The following FAM20A variants were observed in gnomAD, a reference collection of about 807,000 sequenced individuals.
FAM20A encodes FAM20A golgi associated secretory pathway pseudokinase, also known as pseudokinase FAM20A.
Under a neutral mutation model 52.0 loss-of-function variants are expected in FAM20A, and 42 were observed. That is an observed-to-expected ratio of 0.81 (90% CI 0.63 to 1.04). FAM20A has a LOEUF of 1.04. Ranked by LOEUF, FAM20A falls within the 50% of genes least tolerant of loss-of-function variation. The probability of loss-of-function intolerance (pLI) is 0.00; values close to 1 mark genes in which losing one functional copy is unlikely to be tolerated. For missense variants in FAM20A, 742 were observed against 712.7 expected (o/e 1.04, Z -0.47); for synonymous variants, 304 against 298.9 (o/e 1.02, Z -0.18).
chr17:68,548,098 C>A (rs2086651572), intron 4 of FAM20A, among the ~76,000 whole-genome samples: 1 of 152,114 alleles, frequency 6.6e-6, no homozygotes, highest in Admixed American at 6.5e-5. Flanking sequence ...TTGGAGCAGT[C>A]AGAACACACA....
intron 1 of FAM20A, among the ~76,000 whole-genome samples, chr17:68,569,231 T>C (rs1233290206): frequency 6.6e-6 from 1 of 152,106 alleles, no homozygotes; most frequent in Non-Finnish European, 1.5e-5. Context: ...AATTTCTCTC[T>C]CCCTTCCCAA....
At chr17:68,558,348 T>C (rs1279681666) in intron 1 of FAM20A, 1 of 445,072 alleles carries the variant, frequency 2.2e-6, no homozygotes, top group African/African-American at 2.0e-5. Flanking sequence ...ATGGTTTGGA[T>C]GTTTGTCCCC....
chr17:68,550,369 C>CTTTTTTTT lies in FAM20A; in HGVS notation c.719+1496_719+1503dup, dbSNP rs747654899. On this transcript the variant is annotated intron_variant, in intron 4 of 10. Coordinates refer to ENST00000592554, the MANE Select transcript of FAM20A (RefSeq NM_017565.4). ...CTTTCACATAGGAAAAATGGGGGAA[C>CTTTTTTTT]TTTTTTTTTTTTTTTTTTTTTTTTT... Among the ~76,000 whole-genome samples, 4 of 79,390 alleles carry CTTTTTTTT rather than the reference C, an allele frequency of 5.0e-5. 1 individual carries two copies. The highest frequency in any genetic ancestry group is 3.7e-4 in the Admixed American group (2 of 5,358). 52.1% of individuals were successfully genotyped at this position (79,390 alleles called of 152,430 possible).
At chr17:68,577,020 A>C (rs2087790169) in intron 1 of FAM20A, among the ~76,000 whole-genome samples, 1 of 152,198 alleles carries the variant, frequency 6.6e-6, no homozygotes, top group Non-Finnish European at 1.5e-5. Context: ...CCAGTCAGGG[A>C]ACTAGCAGAT....
chr17:68,581,318 C>G (rs1171151335), intron 1 of FAM20A, among the ~76,000 whole-genome samples: 1 of 151,248 alleles, frequency 6.6e-6, no homozygotes, highest in African/African-American at 2.4e-5. Flanking sequence ...AGTTTCGGCT[C>G]TGGAGTTGAA....
chr17:68,563,742 T>C (rs561003594), intron 1 of FAM20A, among the ~76,000 whole-genome samples: 2 of 152,312 alleles, frequency 1.3e-5, no homozygotes, highest in African/African-American at 4.8e-5. Flanking sequence ...TAAATCTCCC[T>C]AAATCTTTCT....
intron 1 of FAM20A, among the ~76,000 whole-genome samples, chr17:68,573,459 C>T (rs780744795): frequency 1.2e-3 from 53 of 44,450 alleles, no homozygotes; most frequent in South Asian, 2.7e-3. Context: ...TTTCTTTCTT[C>T]TTTCTTTCTT....
At chr17:68,547,010 C>CT (rs559157360) in intron 4 of FAM20A, among the ~76,000 whole-genome samples, 2,319 of 146,420 alleles carry the variant, frequency 0.016, 61 homozygotes, top group African/African-American at 0.054. Flanking sequence ...TGAAAGGAAT[C>CT]TTTTTTTTTT....
At chr17:68,575,229 T>A (rs2087693860) in intron 1 of FAM20A, 1 of 151,024 alleles carries the variant, frequency 6.6e-6, no homozygotes, top group Admixed American at 6.7e-5. Flanking sequence ...CAGTTTGTAA[T>A]AATGTGTTCT....
intron 1 of FAM20A, among the ~76,000 whole-genome samples, chr17:68,586,537 A>G (rs2088168952): frequency 1.3e-5 from 2 of 152,218 alleles, no homozygotes; most frequent in Admixed American, 1.3e-4. Context: ...AGACCCACAT[A>G]GAGGAGGAGA....
At chr17:68,549,901 G>A (rs7213206) in intron 4 of FAM20A, among the ~76,000 whole-genome samples, 24,633 of 152,112 alleles carry the variant, frequency 0.16, 2,024 homozygotes, top group South Asian at 0.18. Flanking sequence ...TACCCTATAT[G>A]TCTGAATACA....
Position 68,600,818 on chromosome 17 carries a change from T to A in FAM20A, c.-152A>T. The A allele has an allele frequency of 1.3e-6, 1 of 750,550 alleles. No individual in the cohort carries two copies. Among genetic ancestry groups the A allele is most frequent in the Non-Finnish European group, 2.0e-6 (1 of 488,798 alleles). 46.5% of individuals were successfully genotyped at this position (750,550 alleles called of 1,614,324 possible). A position where few individuals can be genotyped will look rare whatever the true frequency, so the allele number is the denominator to read the frequency against. ...ATGCTCCCCGCGCGGGCTAGTCCCC[T>A]GTGGAGGGGTGTCGCTCCTCAACTT... On this transcript the variant is annotated 5_prime_UTR_variant, in exon 1 of 11. Coordinates refer to ENST00000592554, the MANE Select transcript of FAM20A (RefSeq NM_017565.4). This position sits in a 1 kb window ranked among gnomAD's most constrained non-coding sequence, Gnocchi z 6.2.
intron 1 of FAM20A, among the ~76,000 whole-genome samples, chr17:68,580,277 A>G (rs2087904163): frequency 6.6e-6 from 1 of 152,188 alleles, no homozygotes; most frequent in Non-Finnish European, 1.5e-5. Flanking sequence ...GGGTGGGGGG[A>G]GACACAGAAC....
At chr17:68,538,321 C>G (rs1239524321) in intron 10 of FAM20A, among the ~76,000 whole-genome samples, 1 of 152,212 alleles carries the variant, frequency 6.6e-6, no homozygotes, top group Non-Finnish European at 1.5e-5. Context: ...AGGTACTGCT[C>G]ATCCAGTCCT....
chr17:68,537,056 GTGTTT>G lies in FAM20A; in HGVS notation c.*416_*420del. 2.2e-6 allele frequency: 1 copy of G among 457,182 alleles called. No individual in the cohort carries two copies. Among genetic ancestry groups the G allele is most frequent in the East Asian group, 6.9e-5 (1 of 14,496 alleles). The allele number at this position is 457,182 out of a possible 1,614,324, so 28.3% of individuals were successfully genotyped here. On this transcript the variant is annotated 3_prime_UTR_variant, in exon 11 of 11. Transcript: ENST00000592554. This position sits in a 1 kb window ranked among gnomAD's most constrained non-coding sequence, Gnocchi z 4.2. Reference sequence around the variant, plus strand: ...TTTTAGTCAGCTTGTGATAGGCCAGGTGTTTTGTCTGGACCAGGAGTTATCTTTGA... The same window carrying G: ...TTTTAGTCAGCTTGTGATAGGCCAGGTGTCTGGACCAGGAGTTATCTTTGA...
intron 4 of FAM20A, among the ~76,000 whole-genome samples, chr17:68,546,746 C>T (rs1290033465): frequency 1.4e-5 from 2 of 146,306 alleles, no homozygotes; most frequent in African/African-American, 2.5e-5. Flanking sequence ...AGGAGAATGG[C>T]GTGAACCCGG....
At position 68,536,720 on chromosome 17, in the gene FAM20A, C is replaced by T. The variant is rs2086106946; in HGVS notation, c.*757G>A. 4.4e-6 allele frequency: 2 copies of T among 453,930 alleles called. No homozygotes were observed. The highest frequency in any genetic ancestry group is 8.8e-6 in the Non-Finnish European group (2 of 226,796). The allele number at this position is 453,930 out of a possible 1,614,324, so 28.1% of individuals were successfully genotyped here. A position where few individuals can be genotyped will look rare whatever the true frequency, so the allele number is the denominator to read the frequency against. On this transcript the variant is annotated 3_prime_UTR_variant, in exon 11 of 11. Coordinates refer to ENST00000592554, the MANE Select transcript of FAM20A (RefSeq NM_017565.4). Reference sequence around the variant, plus strand: ...AGGCCTGTTCCCATGCCATCCTGACCTTGGAGGACTTTCCTTTTTTTTTCC... The same window carrying T: ...AGGCCTGTTCCCATGCCATCCTGACTTTGGAGGACTTTCCTTTTTTTTTCC...
intron 3 of FAM20A, among the ~76,000 whole-genome samples, chr17:68,553,860 A>C (rs1274939391): frequency 2.0e-5 from 3 of 149,484 alleles, no homozygotes; most frequent in Admixed American, 6.7e-5. Context: ...GCATATATAC[A>C]TATATACACA....
chr17:68,554,342 C>T (rs1386340518), intron 3 of FAM20A, among the ~76,000 whole-genome samples: 2 of 152,126 alleles, frequency 1.3e-5, no homozygotes, highest in Non-Finnish European at 2.9e-5. Flanking sequence ...ATCAAGTGAT[C>T]CACCCGCCTC....
Sources: gnomAD v4.1 joint callset for allele counts (sites outside exome capture counted in the v4.1 genomes callset) on GRCh38, gnomAD v4.1.1 for gene constraint, Gnocchi (gnomAD v3.1) non-coding constraint, MANE v1.5 for transcripts, NCBI Gene and HGNC (gene_info 2026-07-23, HGNC 2026-07-21) for gene names.